The following ARHGAP31 variants were observed in gnomAD, a reference collection of about 807,000 sequenced individuals.
ARHGAP31 encodes Rho GTPase activating protein 31.
A neutral mutation model predicts 113.9 loss-of-function variants in ARHGAP31; 34 were observed. The observed-to-expected ratio is 0.30, with a 90% confidence interval of 0.23 to 0.40. The LOEUF (loss-of-function observed/expected upper bound fraction) is 0.40. Among genes scored for constraint, ARHGAP31 ranks in the 10% least tolerant of loss-of-function variants. The pLI, the probability that ARHGAP31 is intolerant of heterozygous loss-of-function variation, is 1.00. For missense variants in ARHGAP31, 1,548 were observed against 1,767.1 expected, an observed-to-expected ratio of 0.88 and a Z score of 2.22; for synonymous variants, 650 against 684.8, an observed-to-expected ratio of 0.95 and a Z score of 0.79.
chr3:119,352,409 A>G (rs2107617145), intron 1 of ARHGAP31, among the ~76,000 whole-genome samples: 1 of 152,208 alleles, frequency 6.6e-6, no homozygotes, highest in East Asian at 1.9e-4. Context: ...ATCACTCTCA[A>G]CCAGTCTTTT....
At chr3:119,390,747 G>A (rs1205756784) in intron 6 of ARHGAP31, 38 bp from the exon 7 acceptor site, 2 of 1,596,162 alleles carry the variant, frequency 1.3e-6, no homozygotes, top group Non-Finnish European at 1.7e-6. Context: ...TGATGGGCAG[G>A]CCTCCTCCAA....
Position 119,379,874 on chromosome 3 carries a change from G to A in ARHGAP31, c.349-1030G>A, listed in dbSNP as rs114823963. On this transcript the variant is annotated intron_variant, in intron 3 of 11. Coordinates refer to ENST00000264245, the MANE Select transcript of ARHGAP31 (RefSeq NM_020754.4). ...TGGTTACCATGGACCTCAGGTTCAG[G>A]CACTGCTCAGATGCTGGCAGTTCAT... Among the ~76,000 whole-genome samples the A allele has an allele frequency of 4.1e-3, 622 of 152,302 alleles. 3 individuals carry two copies. Among genetic ancestry groups the A allele is most frequent in the African/African-American group, 0.013 (559 of 41,578 alleles).
At chr3:119,362,972 G>A (rs1219056269) in intron 1 of ARHGAP31, among the ~76,000 whole-genome samples, 1 of 152,088 alleles carries the variant, frequency 6.6e-6, no homozygotes, top group Non-Finnish European at 1.5e-5. Flanking sequence ...GCCAGGGTCT[G>A]TGCCAAATAT....
chr3:119,314,937 A>T (rs927969132), intron 1 of ARHGAP31, among the ~76,000 whole-genome samples: 1 of 152,190 alleles, frequency 6.6e-6, no homozygotes, highest in Non-Finnish European at 1.5e-5. Flanking sequence ...GTCCTTATAG[A>T]CATCCCCCAC....
In ARHGAP31 at chr3:119,415,305, T is replaced by G; in HGVS notation, c.3376T>G (p.Ser1126Ala). ...ADLFWFENVASFSSPGMQVSE... is the reference protein window; with the variant it reads ...ADLFWFENVAAFSSPGMQVSE... ...CCTCTTCTGGTTTGAGAATGTGGCC[T>G]CATTTAGTTCACCTGGAATGCAGGT... Residue 1126 changes from serine to alanine, a missense_variant, in exon 12 of 12, where the codon TCA becomes GCA. Transcript: ENST00000264245. 1.2e-6 allele frequency: 2 copies of G among 1,614,150 alleles called. No homozygotes were observed. Among genetic ancestry groups the G allele is most frequent in the Non-Finnish European group, 1.7e-6 (2 of 1,180,014 alleles).
Position 119,383,085 on chromosome 3 carries a change from T to C in ARHGAP31, c.541T>C (p.Ser181Pro). ...GAATATGTTTCTTCCACACGGTAGG[T>C]CTAAAGAAATTGAAGCCACTGGTTG... is the stretch of plus-strand genomic sequence containing the variant. ...ALVWAPNLLRSKEIEATGCNG... is the reference protein window; with the variant it reads ...ALVWAPNLLRPKEIEATGCNG... Residue 181 changes from serine to proline, a missense_variant and splice_region_variant, in exon 6 of 12, where the codon TCT becomes CCT. Coordinates refer to ENST00000264245, the MANE Select transcript of ARHGAP31 (RefSeq NM_020754.4). 1 of 1,614,140 alleles carries C rather than the reference T, an allele frequency of 6.2e-7. No individual in the cohort carries two copies. Among genetic ancestry groups the C allele is most frequent in the Non-Finnish European group, 8.5e-7 (1 of 1,180,046 alleles).
At chr3:119,335,861 G>A (rs2079941304) in intron 1 of ARHGAP31, among the ~76,000 whole-genome samples, 1 of 152,198 alleles carries the variant, frequency 6.6e-6, no homozygotes, top group African/African-American at 2.4e-5. Flanking sequence ...AGGAAATCTA[G>A]ATTCTGGGTT....
intron 1 of ARHGAP31, among the ~76,000 whole-genome samples, chr3:119,314,091 G>C (rs2079707853): frequency 6.6e-6 from 1 of 152,184 alleles, no homozygotes; most frequent in Non-Finnish European, 1.5e-5. Flanking sequence ...CTCCCGACCA[G>C]AGCATTATCC....
At chr3:119,338,197 G>A (rs2079975679) in intron 1 of ARHGAP31, among the ~76,000 whole-genome samples, 1 of 151,986 alleles carries the variant, frequency 6.6e-6, no homozygotes, top group Non-Finnish European at 1.5e-5. Flanking sequence ...ATGTTACTTG[G>A]AGAACTCCTA....
chr3:119,385,805 C>A (rs996264338), intron 6 of ARHGAP31, among the ~76,000 whole-genome samples: 1 of 152,260 alleles, frequency 6.6e-6, no homozygotes, highest in Non-Finnish European at 1.5e-5. Context: ...GAACCCAAAT[C>A]TTTTAGCCCA....
intron 1 of ARHGAP31, among the ~76,000 whole-genome samples, chr3:119,312,055 C>G (rs1333883642): frequency 1.3e-5 from 2 of 152,208 alleles, no homozygotes; most frequent in Non-Finnish European, 2.9e-5. Context: ...CCAATGGCTA[C>G]TTGAGTGACC....
At chr3:119,365,493 C>T in intron 2 of ARHGAP31, 75 bp downstream of exon 2, 1 of 1,351,034 alleles carries the variant, frequency 7.4e-7, no homozygotes, top group South Asian at 1.2e-5. Context: ...CATCGGTGTC[C>T]AGAGTATTAA....
intron 1 of ARHGAP31, among the ~76,000 whole-genome samples, chr3:119,297,508 A>T (rs2079543271): frequency 1.4e-5 from 1 of 70,258 alleles, no homozygotes; most frequent in Non-Finnish European, 2.5e-5. Flanking sequence ...GTAGACCTGC[A>T]TTGAGAGGAA....
intron 3 of ARHGAP31, among the ~76,000 whole-genome samples, chr3:119,377,448 G>A (rs908979562): frequency 3.3e-5 from 5 of 152,272 alleles, no homozygotes; most frequent in Non-Finnish European, 4.4e-5. Context: ...GCAAGTATCC[G>A]GGAAAACAGG....
At chr3:119,330,870 C>CAAATATTT (rs1480531834) in intron 1 of ARHGAP31, among the ~76,000 whole-genome samples, 1 of 152,138 alleles carries the variant, frequency 6.6e-6, no homozygotes, top group African/African-American at 2.4e-5. Flanking sequence ...TGTATATGTG[C>CAAATATTT]GATATATTTA....
intron 1 of ARHGAP31, among the ~76,000 whole-genome samples, chr3:119,342,535 G>T (rs919065533): frequency 2.0e-5 from 3 of 152,242 alleles, no homozygotes; most frequent in East Asian, 3.9e-4. Flanking sequence ...CCCAAAACTG[G>T]CTGGATCCTG....
chr3:119,398,084 C>T (rs6769668), intron 8 of ARHGAP31, among the ~76,000 whole-genome samples: 91,405 of 151,744 alleles, frequency 0.6, 27,898 homozygotes, highest in African/African-American at 0.7. Context: ...CTGGGCAACA[C>T]AGTGAGACCC....
At chr3:119,360,535 T>C (rs114027070) in intron 1 of ARHGAP31, among the ~76,000 whole-genome samples, 6 of 152,338 alleles carry the variant, frequency 3.9e-5, no homozygotes, top group Non-Finnish European at 8.8e-5. Flanking sequence ...TTATGACTTC[T>C]GGGGGTGACT....
At chr3:119,364,569 G>C (rs1418100671) in intron 1 of ARHGAP31, among the ~76,000 whole-genome samples, 1 of 152,102 alleles carries the variant, frequency 6.6e-6, no homozygotes, top group Non-Finnish European at 1.5e-5. Flanking sequence ...TCACCCAGAG[G>C]GTTGTTAAAA....
Sources: allele counts gnomAD v4.1 joint callset (sites outside exome capture counted in the v4.1 genomes callset), GRCh38; gene constraint gnomAD v4.1.1; transcripts MANE v1.5; gene names NCBI Gene and HGNC (gene_info 2026-07-23, HGNC 2026-07-21).